Variants in CSMD1 observed in about 807,000 individuals in gnomAD.
CSMD1 encodes the protein CUB and Sushi multiple domains 1, also known as CUB and sushi domain-containing protein 1.
A neutral mutation model predicts 417.5 loss-of-function variants in CSMD1; 213 were observed. That is an observed-to-expected ratio of 0.51 (90% CI 0.46 to 0.57). CSMD1 has a LOEUF of 0.57. Ranked by LOEUF, CSMD1 falls within the 20% of genes least tolerant of loss-of-function variation. CSMD1 has a pLI of 0.00. For missense variants in CSMD1, 6,923 were observed against 4,529.7 expected, an observed-to-expected ratio of 1.53 and a Z score of -15.17; for synonymous variants, 2,862 against 1,736.8, an observed-to-expected ratio of 1.65 and a Z score of -16.11.
At chr8:3,379,507 G>C (rs1273396740) in intron 18 of CSMD1, among the ~76,000 whole-genome samples, 2 of 152,220 alleles carry the variant, frequency 1.3e-5, no homozygotes, top group East Asian at 3.9e-4. Context: ...ATACTACCAG[G>C]CTACAGTAAC....
chr8:3,193,267 A>G (rs1159083054), intron 33 of CSMD1, among the ~76,000 whole-genome samples: 1 of 152,230 alleles, frequency 6.6e-6, no homozygotes, highest in Non-Finnish European at 1.5e-5. Flanking sequence ...TTCTTCATGA[A>G]TTTCAGAGTG....
Position 4,451,720 on chromosome 8 carries a change from T to TA in CSMD1, c.303-31656dup, listed in dbSNP as rs564396710. On this transcript the variant is annotated intron_variant, in intron 2 of 69. Transcript: ENST00000635120. ...TCTTCCAGGCAAAGCTTTTTAAAAT[T>TA]AAAACAAATTACAACAACAAGGCAT... Among the ~76,000 whole-genome samples, 3 of 152,114 alleles carry TA rather than the reference T, an allele frequency of 2.0e-5. No homozygotes were observed. The South Asian group carries it at 6.2e-4, about 32-fold the overall frequency.
chr8:4,640,333 T>A (rs1014994297), intron 1 of CSMD1, among the ~76,000 whole-genome samples: 3 of 152,216 alleles, frequency 2.0e-5, no homozygotes, highest in Non-Finnish European at 2.9e-5. Context: ...TATCTATGCC[T>A]AAGATAGAAT....
intron 1 of CSMD1, among the ~76,000 whole-genome samples, chr8:4,970,085 A>C (rs547212114): frequency 6.6e-6 from 1 of 152,314 alleles, no homozygotes; most frequent in South Asian, 2.1e-4. Flanking sequence ...ATTCAGTTTC[A>C]CATAAAAATA....
intron 10 of CSMD1, among the ~76,000 whole-genome samples, chr8:3,502,017 T>C (rs1796621912): frequency 6.6e-6 from 1 of 152,170 alleles, no homozygotes; most frequent in African/African-American, 2.4e-5. Flanking sequence ...CTTTGGAAGC[T>C]TCTTACATAA....
Position 3,297,275 on chromosome 8 carries a change from G to T in CSMD1, c.3950+10420C>A, listed in dbSNP as rs73171126. 2.7e-3 allele frequency among the ~76,000 whole-genome samples: 409 copies of T among 152,194 alleles called. 1 individual carries two copies. Among genetic ancestry groups the T allele is most frequent in the Middle Eastern group, 6.8e-3 (2 of 292 alleles). On this transcript the variant is annotated intron_variant, in intron 25 of 69. Transcript: ENST00000635120. ...CCAGAATGATCTATTGATGTCATGG[G>T]ATATCAATAAAAATCCAGGCAATTT...
At chr8:3,165,386 G>C (rs188004010) in intron 37 of CSMD1, among the ~76,000 whole-genome samples, 46 of 152,056 alleles carry the variant, frequency 3.0e-4, no homozygotes, top group Admixed American at 1.3e-3. Context: ...AGTAATTCAA[G>C]TCATCATGAG....
intron 40 of CSMD1, among the ~76,000 whole-genome samples, chr8:3,142,951 C>G (rs934021894): frequency 6.6e-6 from 1 of 152,204 alleles, no homozygotes; most frequent in Non-Finnish European, 1.5e-5. Flanking sequence ...TACCACAGAG[C>G]TACACAGGTG....
At position 4,941,291 on chromosome 8, in the gene CSMD1, T is replaced by C. The variant is rs1322607208; in HGVS notation, c.85+53041A>G. Among the ~76,000 whole-genome samples, 3 of 152,228 alleles carry C rather than the reference T, an allele frequency of 2.0e-5. No individual in the cohort carries two copies. In the South Asian group the frequency reaches 6.2e-4, roughly 32 times the overall value. On this transcript the variant is annotated intron_variant, in intron 1 of 69. Transcript: ENST00000635120. ...ACATTCTTTGATTCAAAAAGTTATT[T>C]TGATGTAATATACTTTGTTTTTGTA... is the stretch of plus-strand genomic sequence containing the variant.
rs557488194 is a variant in CSMD1 at position 4,793,453 on chromosome 8, G to A, written c.86-155895C>T. Among the ~76,000 whole-genome samples, 20 of 151,828 alleles carry A rather than the reference G, an allele frequency of 1.3e-4. No individual in the cohort carries two copies. The South Asian group carries it at 3.3e-3, about 25-fold the overall frequency. ...CAGCTCTTTATCACTTTCTCCTCCAGCTCCATCCCCTCTCTCCTCCCCACC... is the reference window on the plus strand; with the variant it reads ...CAGCTCTTTATCACTTTCTCCTCCAACTCCATCCCCTCTCTCCTCCCCACC... On this transcript the variant is annotated intron_variant, in intron 1 of 69. Coordinates refer to ENST00000635120, the MANE Select transcript of CSMD1 (RefSeq NM_033225.6).
intron 31 of CSMD1, among the ~76,000 whole-genome samples, chr8:3,203,020 G>C (rs182260586): frequency 6.6e-6 from 1 of 152,218 alleles, no homozygotes; most frequent in Non-Finnish European, 1.5e-5. Flanking sequence ...AAGTTCATTA[G>C]ATTTTTATCA....
intron 5 of CSMD1, among the ~76,000 whole-genome samples, chr8:3,835,727 A>C (rs200132832): frequency 0.37 from 55,545 of 151,002 alleles, 10,968 homozygotes; most frequent in African/African-American, 0.52. Context: ...TAACAAAAAA[A>C]AAAAAAAAGA....
intron 12 of CSMD1, among the ~76,000 whole-genome samples, chr8:3,452,845 G>A (rs545451693): frequency 6.6e-6 from 1 of 152,324 alleles, no homozygotes; most frequent in East Asian, 1.9e-4. Context: ...ATGAGTTAGG[G>A]AGGATTCCCT....
intron 1 of CSMD1, among the ~76,000 whole-genome samples, chr8:4,705,157 C>T (rs1461815121): frequency 6.6e-6 from 1 of 152,116 alleles, no homozygotes; most frequent in Non-Finnish European, 1.5e-5. Flanking sequence ...TCCTCCTTCC[C>T]CTTCACCATA....
At chr8:3,505,722 G>C (rs975405910) in intron 10 of CSMD1, among the ~76,000 whole-genome samples, 3 of 152,138 alleles carry the variant, frequency 2.0e-5, no homozygotes, top group African/African-American at 4.8e-5. Context: ...CTGGATAGAA[G>C]GGAAAACGAT....
intron 3 of CSMD1, among the ~76,000 whole-genome samples, chr8:4,316,645 A>G (rs962933876): frequency 6.6e-6 from 1 of 152,090 alleles, no homozygotes; most frequent in Non-Finnish European, 1.5e-5. Flanking sequence ...ACAATGGGGT[A>G]CACTGTGTCA....
At chr8:4,139,305 GTTATAC>G (rs1034885752) in intron 3 of CSMD1, among the ~76,000 whole-genome samples, 31 of 152,282 alleles carry the variant, frequency 2.0e-4, no homozygotes, top group African/African-American at 5.5e-4. Flanking sequence ...TACAGCTGTC[GTTATAC>G]TTATACGAAA....
chr8:4,126,302 T>G lies in CSMD1; in HGVS notation c.416-94203A>C, dbSNP rs549429813. The stretch of plus-strand genomic sequence containing the variant: ...TCTTTCTTCATAGCAATGTCCCTGT[T>G]GATAAATTGGCTCTGTCTGGGCAGG... On this transcript the variant is annotated intron_variant, in intron 3 of 69. Coordinates refer to ENST00000635120, the MANE Select transcript of CSMD1 (RefSeq NM_033225.6). Among the ~76,000 whole-genome samples, 9 of 152,286 alleles carry G rather than the reference T, an allele frequency of 5.9e-5. No homozygotes were observed. The East Asian group carries it at 1.5e-3, about 26-fold the overall frequency.
intron 26 of CSMD1, among the ~76,000 whole-genome samples, chr8:3,241,613 A>G (rs1585763275): frequency 6.6e-6 from 1 of 152,154 alleles, no homozygotes; most frequent in Non-Finnish European, 1.5e-5. Context: ...CAGACGGGAC[A>G]CGGTTTAGGA....
Sources: gnomAD v4.1 joint callset for allele counts (sites outside exome capture counted in the v4.1 genomes callset) on GRCh38, gnomAD v4.1.1 for gene constraint, MANE v1.5 for transcripts, NCBI Gene and HGNC (gene_info 2026-07-23, HGNC 2026-07-21) for gene names.